DEFB118: variants seen among roughly 807,000 people sequenced by gnomAD.
DEFB118 encodes the protein defensin, beta 18.
Under a neutral mutation model 2.8 loss-of-function variants are expected in DEFB118, and 3 were observed. The ratio of observed to expected loss-of-function variants is 1.09; its 90% CI spans 0.50 to 2.82. The LOEUF is 2.82. Among genes scored for constraint, DEFB118 ranks in the 30% most tolerant of loss-of-function variants. The pLI, the probability that DEFB118 is intolerant of heterozygous loss-of-function variation, is 0.04. For synonymous variants in DEFB118, 63 were observed against 53.5 expected (o/e 1.18, Z -0.78); for missense variants, 159 against 144.6 (o/e 1.10, Z -0.51).
At position 31,373,043 on chromosome 20, in the gene DEFB118, A is replaced by G. The variant is rs370635354; in HGVS notation, c.245A>G (p.Asp82Gly). 2.0e-5 allele frequency: 33 copies of G among 1,614,090 alleles called. No homozygotes were observed. The highest frequency in any genetic ancestry group is 2.8e-5 in the Non-Finnish European group (33 of 1,180,034). ...AGTGACTCAACACCAGGAATTATTG[A>G]TGATATTTTAACAGTAAGGTTCACG... is the stretch of plus-strand genomic sequence containing the variant. ...PLSDSTPGII[D>G]DILTVRFTTD... Residue 82 changes from aspartate to glycine, a missense_variant, in exon 2 of 2, where the codon GAT (aspartate) becomes GGT (glycine). Transcript: ENST00000253381.
rs780688881 is a variant in DEFB118 at position 31,373,034 on chromosome 20, G to A, written c.236G>A (p.Gly79Glu). 19 of 1,614,162 alleles carry A rather than the reference G, an allele frequency of 1.2e-5. No individual in the cohort carries two copies. In the Admixed American group the frequency reaches 3.2e-4, roughly 27 times the overall value. Reference protein sequence around the residue: ...SPTPLSDSTPGIIDDILTVRF... With the variant: ...SPTPLSDSTPEIIDDILTVRF... ...ACACCCTTGAGTGACTCAACACCAGGAATTATTGATGATATTTTAACAGTA... is the reference window on the plus strand; with the variant it reads ...ACACCCTTGAGTGACTCAACACCAGAAATTATTGATGATATTTTAACAGTA... Residue 79 changes from glycine (G) to glutamate (E), a missense_variant, in exon 2 of 2, where the codon GGA (glycine) becomes GAA (glutamate). By Grantham distance (98) the Gly-to-Glu change is moderately conservative. Coordinates refer to ENST00000253381, the MANE Select transcript of DEFB118 (RefSeq NM_054112.3).
chr20:31,372,760 C>T, intron 1 of DEFB118, 97 bp from the exon 2 acceptor site: 1 of 926,484 alleles, frequency 1.1e-6, no homozygotes, highest in Non-Finnish European at 1.6e-6. Flanking sequence ...TAATTATGAT[C>T]CACAGTGTGG....
chr20:31,370,123 A>T (rs1416840319), intron 1 of DEFB118, among the ~76,000 whole-genome samples: 3 of 151,740 alleles, frequency 2.0e-5, no homozygotes, highest in Non-Finnish European at 4.4e-5. Context: ...AAACAGGGAA[A>T]CCTCTCCTGT....
At chr20:31,370,660 GA>G (rs1308619295) in intron 1 of DEFB118, among the ~76,000 whole-genome samples, 1 of 152,172 alleles carries the variant, frequency 6.6e-6, no homozygotes, top group Admixed American at 6.5e-5. Flanking sequence ...CCCTCTCACC[GA>G]AAATACACAA....
Position 31,373,042 on chromosome 20 carries a change from G to C in DEFB118, c.244G>C (p.Asp82His), listed in dbSNP as rs375988799. ...PLSDSTPGII[D>H]DILTVRFTTD... is the part of the protein sequence containing the mutation. The stretch of plus-strand genomic sequence containing the variant: ...GAGTGACTCAACACCAGGAATTATT[G>C]ATGATATTTTAACAGTAAGGTTCAC... The change falls in exon 2 of 2, where the codon GAT becomes CAT. Residue 82 changes from aspartate to histidine, a missense_variant. Physicochemically the swap from Asp to His is moderately conservative, Grantham distance 81 (BLOSUM62 -1). Coordinates refer to ENST00000253381, the MANE Select transcript of DEFB118 (RefSeq NM_054112.3). 7 of 1,614,136 alleles carry C rather than the reference G, an allele frequency of 4.3e-6. No homozygotes were observed. Among genetic ancestry groups the C allele is most frequent in the African/African-American group, 1.3e-5 (1 of 75,034 alleles).
At chr20:31,372,332 A>G (rs1986223526) in intron 1 of DEFB118, among the ~76,000 whole-genome samples, 1 of 152,300 alleles carries the variant, frequency 6.6e-6, no homozygotes, top group Non-Finnish European at 1.5e-5. Flanking sequence ...TGGGTGGATC[A>G]TGAGGTCAAG....
chr20:31,372,974 A>G lies in DEFB118; in HGVS notation c.176A>G (p.Asn59Ser), dbSNP rs538076426. 4.4e-5 allele frequency: 71 copies of G among 1,614,240 alleles called. No homozygotes were observed. The highest frequency in any genetic ancestry group is 8.3e-5 in the Admixed American group (5 of 60,032). ...CTTCGAGCTTGCTGCATTCCATCCA[A>G]TGAAGACCACAGGCGAGTTCCTGCG... ...KNLRACCIPS[N>S]EDHRRVPATS... The change falls in exon 2 of 2, where the codon AAT (asparagine) becomes AGT (serine). Residue 59 changes from asparagine to serine, a missense_variant. Transcript: ENST00000253381.
chr20:31,369,904 G>C (rs769146551), intron 1 of DEFB118, among the ~76,000 whole-genome samples: 2 of 152,098 alleles, frequency 1.3e-5, no homozygotes, highest in Non-Finnish European at 1.5e-5. Context: ...TATGGATATG[G>C]GCTTAAATAG....
intron 1 of DEFB118, among the ~76,000 whole-genome samples, chr20:31,370,655 T>C (rs910454224): frequency 4.6e-5 from 7 of 152,252 alleles, no homozygotes; most frequent in African/African-American, 1.4e-4. Flanking sequence ...CCCTACCCTC[T>C]CACCGAAAAT....
intron 1 of DEFB118, among the ~76,000 whole-genome samples, chr20:31,369,385 G>GTT (rs71185357): frequency 0.08 from 8,302 of 103,778 alleles, 1,189 homozygotes; most frequent in African/African-American, 0.25. Flanking sequence ...GCACTCTTGT[G>GTT]TTTTTTTTTT....
intron 1 of DEFB118, among the ~76,000 whole-genome samples, chr20:31,370,045 T>C (rs1244154275): frequency 1.3e-5 from 2 of 152,050 alleles, no homozygotes; most frequent in Non-Finnish European, 2.9e-5. Context: ...GGCCAATAAC[T>C]CTTGTTCAGA....
rs114829418 is a variant in DEFB118, at chr20:31,369,219, G to C, written c.58+511G>C. Among the ~76,000 whole-genome samples, 674 of 152,102 alleles carry C rather than the reference G, an allele frequency of 4.4e-3. 7 individuals carry two copies. Among genetic ancestry groups the C allele is most frequent in the African/African-American group, 0.015 (623 of 41,496 alleles). On this transcript the variant is annotated intron_variant, in intron 1 of 1. Coordinates refer to ENST00000253381, the MANE Select transcript of DEFB118 (RefSeq NM_054112.3). Reference sequence around the variant, plus strand: ...CACTGCTTTCTTAAGTATATCTAAAGGCATGACCAGAACTTTGAAATCACT... The same window carrying C: ...CACTGCTTTCTTAAGTATATCTAAACGCATGACCAGAACTTTGAAATCACT...
chr20:31,373,330 T>G lies in DEFB118; in HGVS notation c.*160T>G. The G allele has an allele frequency of 3.2e-6, 2 of 629,958 alleles. No individual in the cohort carries two copies. Among genetic ancestry groups the G allele is most frequent in the Non-Finnish European group, 5.4e-6 (2 of 368,856 alleles). The allele number at this position is 629,958 out of a possible 1,614,324, so 39.0% of individuals were successfully genotyped here. A position where few individuals can be genotyped will look rare whatever the true frequency, so the allele number is the denominator to read the frequency against. The stretch of plus-strand genomic sequence containing the variant: ...AAAGAAGTCTAAAATTTTCACTATT[T>G]CCAATGATAAACTCTTCAGTGCTCT... On this transcript the variant is annotated 3_prime_UTR_variant, in exon 2 of 2. Transcript: ENST00000253381.
chr20:31,371,152 C>G (rs1472334656), intron 1 of DEFB118, among the ~76,000 whole-genome samples: 1 of 152,174 alleles, frequency 6.6e-6, no homozygotes, highest in African/African-American at 2.4e-5. Flanking sequence ...TTAACTTACT[C>G]TATACTCACC....
rs1406354131 is a variant in DEFB118, at chr20:31,373,186, C to T, written c.*16C>T. ...TAGCTCATGACTTCCTCTCGGCTAT[C>T]ACTCACCCCTGTCCTCAGAGTGATA... On this transcript the variant is annotated 3_prime_UTR_variant, in exon 2 of 2. Coordinates refer to ENST00000253381, the MANE Select transcript of DEFB118 (RefSeq NM_054112.3). The T allele has an allele frequency of 3.7e-6, 6 of 1,607,574 alleles. No individual in the cohort carries two copies. The East Asian group carries it at 1.3e-4, about 36-fold the overall frequency.
In DEFB118 at chr20:31,373,001, C is replaced by T; in HGVS notation, c.203C>T (p.Thr68Ile). Residue 68 changes from threonine (T) to isoleucine (I), a missense_variant, in exon 2 of 2, where the codon ACA (threonine) becomes ATA (isoleucine). Transcript: ENST00000253381. ...GAAGACCACAGGCGAGTTCCTGCGA[C>T]ATCTCCCACACCCTTGAGTGACTCA... ...SNEDHRRVPA[T>I]SPTPLSDSTP... 1 of 1,614,214 alleles carries T rather than the reference C, an allele frequency of 6.2e-7. No homozygotes were observed. The highest frequency in any genetic ancestry group is 8.5e-7 in the Non-Finnish European group (1 of 1,180,040).
chr20:31,373,407 T>C lies in DEFB118; in HGVS notation c.*237T>C, dbSNP rs1206291423. 2.8e-5 allele frequency: 15 copies of C among 528,792 alleles called. No homozygotes were observed. The highest frequency in any genetic ancestry group is 2.7e-5 in the Non-Finnish European group (8 of 299,298). The allele number at this position is 528,792 out of a possible 1,614,324, so 32.8% of individuals were successfully genotyped here. A position where few individuals can be genotyped will look rare whatever the true frequency, so the allele number is the denominator to read the frequency against. Reference sequence around the variant, plus strand: ...ACAAGTTATAACCTATTTTTAGTATTTCTTGTTTGCTAGTGACCTATGCAC... The same window carrying C: ...ACAAGTTATAACCTATTTTTAGTATCTCTTGTTTGCTAGTGACCTATGCAC... On this transcript the variant is annotated 3_prime_UTR_variant, in exon 2 of 2. Transcript: ENST00000253381.
At chr20:31,369,168 C>T (rs975780367) in intron 1 of DEFB118, among the ~76,000 whole-genome samples, 1 of 152,174 alleles carries the variant, frequency 6.6e-6, no homozygotes, top group Non-Finnish European at 1.5e-5. Flanking sequence ...CTTCCTTCTA[C>T]AGTGAAAATC....
At chr20:31,371,057 A>T (rs757619510) in intron 1 of DEFB118, among the ~76,000 whole-genome samples, 3 of 152,170 alleles carry the variant, frequency 2.0e-5, no homozygotes, top group Non-Finnish European at 4.4e-5. Context: ...CCTGTGATCA[A>T]AAGTTCTGAA....
Sources: gnomAD v4.1 joint callset for allele counts (sites outside exome capture counted in the v4.1 genomes callset) on GRCh38, gnomAD v4.1.1 for gene constraint, MANE v1.5 for transcripts, NCBI Gene and HGNC (gene_info 2026-07-23, HGNC 2026-07-21) for gene names.